RBM20: variants seen among roughly 807,000 people sequenced by gnomAD.
RBM20 encodes the protein RNA-binding protein 20.
Under a neutral mutation model 110.1 loss-of-function variants are expected in RBM20, and 51 were observed. That is an observed-to-expected ratio of 0.46 (90% CI 0.37 to 0.59). The LOEUF is 0.59. RBM20 is among the 20% of genes least tolerant of loss of function. The pLI is 0.00. For synonymous variants in RBM20, 589 were observed against 618.2 expected (o/e 0.95, Z 0.70); for missense variants, 1,512 against 1,574.9 (o/e 0.96, Z 0.68).
intron 1 of RBM20, among the ~76,000 whole-genome samples, chr10:110,709,117 T>C (rs4918572): frequency 0.17 from 25,187 of 152,194 alleles, 2,293 homozygotes; most frequent in East Asian, 0.32. Context: ...AGCTGCATGT[T>C]GCCTTTGAAC....
rs577952545 is a variant in RBM20 at position 110,654,443 on chromosome 10, A to T, written c.191+9798A>T. 1.1e-4 allele frequency among the ~76,000 whole-genome samples: 17 copies of T among 152,322 alleles called. No homozygotes were observed. In the South Asian group the frequency reaches 3.5e-3, roughly 32 times the overall value. On this transcript the variant is annotated intron_variant, in intron 1 of 13. Coordinates refer to ENST00000369519, the MANE Select transcript of RBM20 (RefSeq NM_001134363.3). The stretch of plus-strand genomic sequence containing the variant: ...TTAATGTCCATTTTAATGCTAATGG[A>T]AATAAGTGGATACTGATGTAATTTG...
In RBM20 at chr10:110,728,039, T is replaced by C. The variant is rs572241447; in HGVS notation, c.192-52762T>C. Among the ~76,000 whole-genome samples the C allele has an allele frequency of 9.2e-5, 14 of 152,374 alleles. No individual in the cohort carries two copies. In the East Asian group the frequency reaches 2.5e-3, roughly 27 times the overall value. On this transcript the variant is annotated intron_variant, in intron 1 of 13. Transcript: ENST00000369519. ...GTATATATGTGCAACATTTTATTGA[T>C]CCAGTCTATCATTGATGGGCATTTG...
intron 1 of RBM20, among the ~76,000 whole-genome samples, chr10:110,691,865 G>A (rs900490701): frequency 2.6e-5 from 4 of 152,242 alleles, no homozygotes. Flanking sequence ...ATGTTACGAA[G>A]CATTCCCCAT....
At chr10:110,822,380 G>A in intron 11 of RBM20, 1 of 457,942 alleles carries the variant, frequency 2.2e-6, no homozygotes, top group Non-Finnish European at 4.4e-6. Flanking sequence ...GATCCTTAAA[G>A]GGTACAGCTG....
intron 1 of RBM20, among the ~76,000 whole-genome samples, chr10:110,742,267 C>A (rs1843733436): frequency 6.6e-6 from 1 of 152,236 alleles, no homozygotes; most frequent in Non-Finnish European, 1.5e-5. Flanking sequence ...TCTCCCAAGT[C>A]AGGGGCTGGG....
At chr10:110,662,181 G>A (rs1446714823) in intron 1 of RBM20, among the ~76,000 whole-genome samples, 4 of 152,142 alleles carry the variant, frequency 2.6e-5, no homozygotes, top group Admixed American at 6.5e-5. Context: ...TGTTAGAAGG[G>A]CTGTGAAGGG....
chr10:110,769,441 A>T (rs1232333074), intron 1 of RBM20, among the ~76,000 whole-genome samples: 1 of 152,034 alleles, frequency 6.6e-6, no homozygotes, highest in Non-Finnish European at 1.5e-5. Context: ...CTTTCCAACA[A>T]ACCTGGTAAT....
intron 1 of RBM20, among the ~76,000 whole-genome samples, chr10:110,668,488 C>A (rs558703677): frequency 2.6e-5 from 4 of 152,142 alleles, no homozygotes; most frequent in Admixed American, 1.3e-4. Flanking sequence ...TTAGAAGCAG[C>A]GACTTGGGTT....
At chr10:110,753,622 T>G (rs1843886984) in intron 1 of RBM20, among the ~76,000 whole-genome samples, 1 of 152,208 alleles carries the variant, frequency 6.6e-6, no homozygotes, top group African/African-American at 2.4e-5. Flanking sequence ...GGCAGTTGTC[T>G]TAGTTTTCAC....
intron 1 of RBM20, among the ~76,000 whole-genome samples, chr10:110,710,279 C>T (rs573781131): frequency 6.6e-6 from 1 of 152,104 alleles, no homozygotes; most frequent in Non-Finnish European, 1.5e-5. Context: ...CTGGATATTC[C>T]GCAATAATCT....
chr10:110,823,374 C>A, intron 11 of RBM20, 106 bp from the exon 12 acceptor site: 1 of 1,381,088 alleles, frequency 7.2e-7, no homozygotes, highest in East Asian at 2.5e-5. Context: ...AGGAACAATT[C>A]CCAATCATAC....
At chr10:110,792,006 A>C (rs936423277) in intron 5 of RBM20, among the ~76,000 whole-genome samples, 10 of 152,208 alleles carry the variant, frequency 6.6e-5, no homozygotes, top group African/African-American at 2.4e-4. Context: ...GGTAACTTTT[A>C]ATATATTTCA....
chr10:110,674,478 C>T (rs534284592), intron 1 of RBM20, among the ~76,000 whole-genome samples: 11 of 152,194 alleles, frequency 7.2e-5, no homozygotes, highest in African/African-American at 1.9e-4. Context: ...CATTTCCAGA[C>T]GATGAGCAGA....
intron 1 of RBM20, among the ~76,000 whole-genome samples, chr10:110,769,973 C>A (rs1262207367): frequency 6.6e-6 from 1 of 152,146 alleles, no homozygotes; most frequent in Admixed American, 6.5e-5. Flanking sequence ...TCTGCTGTGG[C>A]CTCCCAAAGT....
rs397516611 is a variant in RBM20 at position 110,780,922 on chromosome 10, C to T, written c.313C>T (p.Leu105=). ...QAQLTLHRLK[L]AQTAVTNNTA... ...CCAGCTCACCCTCCACCGGCTGAAG[C>T]TGGCACAGACAGCTGTCACCAACAA... The change falls in exon 2 of 14, where the codon CTG becomes TTG. Residue 105 remains leucine (L), a synonymous_variant. Transcript: ENST00000369519. 21 of 1,551,608 alleles carry T rather than the reference C, an allele frequency of 1.4e-5. No individual in the cohort carries two copies. The highest frequency in any genetic ancestry group is 1.8e-5 in the Non-Finnish European group (21 of 1,147,000).
chr10:110,739,335 C>A lies in RBM20; in HGVS notation c.192-41466C>A, dbSNP rs1843703009. On this transcript the variant is annotated intron_variant, in intron 1 of 13. Transcript: ENST00000369519. This position sits in a 1 kb window ranked among gnomAD's most constrained non-coding sequence, Gnocchi z 4.1. ...TCAATATACATTCATTAGGTGCCCACTCTGGGTTACTGTGTCTCGCACTGT... is the reference window on the plus strand; with the variant it reads ...TCAATATACATTCATTAGGTGCCCAATCTGGGTTACTGTGTCTCGCACTGT... 6.6e-6 allele frequency among the ~76,000 whole-genome samples: 1 copy of A among 152,176 alleles called. No homozygotes were observed. The highest frequency in any genetic ancestry group is 1.5e-5 in the Non-Finnish European group (1 of 68,032).
chr10:110,714,898 T>G (rs1020806273), intron 1 of RBM20, among the ~76,000 whole-genome samples: 2 of 152,190 alleles, frequency 1.3e-5, no homozygotes, highest in African/African-American at 4.8e-5. Flanking sequence ...GAAAAAGGAT[T>G]GCCTTCCCAA....
chr10:110,652,959 C>T (rs1300229235), intron 1 of RBM20, among the ~76,000 whole-genome samples: 1 of 152,174 alleles, frequency 6.6e-6, no homozygotes, highest in East Asian at 1.9e-4. Context: ...TAGACTGGGT[C>T]TCTCCTGGGC....
intron 1 of RBM20, among the ~76,000 whole-genome samples, chr10:110,681,081 G>A (rs765162245): frequency 2.6e-5 from 4 of 152,148 alleles, no homozygotes; most frequent in Non-Finnish European, 1.5e-5. Flanking sequence ...CCTTCTTCTC[G>A]CACATTCCTC....
Sources: allele counts gnomAD v4.1 joint callset (sites outside exome capture counted in the v4.1 genomes callset), GRCh38; gene constraint gnomAD v4.1.1; non-coding constraint Gnocchi (gnomAD v3.1); transcripts MANE v1.5; gene names NCBI Gene and HGNC (gene_info 2026-07-23, HGNC 2026-07-21).